Variants in FBXO32 observed in about 807,000 individuals in gnomAD.
FBXO32 encodes the protein F-box protein 32, also known as F-box only protein 32.
A neutral mutation model predicts 48.3 loss-of-function variants in FBXO32; 15 were observed. The ratio of observed to expected loss-of-function variants is 0.31; its 90% CI spans 0.21 to 0.48. The LOEUF (loss-of-function observed/expected upper bound fraction) is 0.48, where lower values mean the gene tolerates loss of function less well. FBXO32 is among the 20% of genes least tolerant of loss of function. The probability of loss-of-function intolerance (pLI) is 0.99; values close to 1 mark genes in which losing one functional copy is unlikely to be tolerated. For missense variants in FBXO32, 309 were observed against 432.7 expected (o/e 0.71, Z 2.54); for synonymous variants, 154 against 165.9 (o/e 0.93, Z 0.55).
intron 8 of FBXO32, 38 bp from the exon 9 acceptor site, chr8:123,503,500 G>T: frequency 1.3e-6 from 2 of 1,566,940 alleles, no homozygotes; most frequent in Non-Finnish European, 1.8e-6. Context: ...AGTTCTCAGA[G>T]GCCTCTCTTT....
At position 123,540,799 on chromosome 8, in the gene FBXO32, C is replaced by G; in HGVS notation, c.116+100G>C. 9.8e-7 allele frequency: 1 copy of G among 1,020,796 alleles called. No individual in the cohort carries two copies. The highest frequency in any genetic ancestry group is 1.5e-6 in the Non-Finnish European group (1 of 680,396). The allele number at this position is 1,020,796 out of a possible 1,614,324, so 63.2% of individuals were successfully genotyped here. ...CGGGTCAGGGTCTCCCTCCTCAGCC[C>G]GCTCCAGCCCTGCCTGCCCCTCATT... On this transcript the variant is annotated intron_variant, in intron 1 of 8. Coordinates refer to ENST00000517956, the MANE Select transcript of FBXO32 (RefSeq NM_058229.4). The surrounding 1 kb of genome is among the most constrained non-coding windows in gnomAD (Gnocchi z 6.4).
In FBXO32 at chr8:123,499,801, G is replaced by C. The variant is rs1816443293; in HGVS notation, c.*3572C>G. Reference sequence around the variant, plus strand: ...AGAAACAGGAGGCTGTTAGTAGCAAGCTCCTCATGGGAAAGGGTATGTGAA... The same window carrying C: ...AGAAACAGGAGGCTGTTAGTAGCAACCTCCTCATGGGAAAGGGTATGTGAA... On this transcript the variant is annotated 3_prime_UTR_variant, in exon 9 of 9. Transcript: ENST00000517956. 1 of 152,186 alleles carries C rather than the reference G, an allele frequency of 6.6e-6. No homozygotes were observed. Among genetic ancestry groups the C allele is most frequent in the Non-Finnish European group, 1.5e-5 (1 of 68,046 alleles). The allele number at this position is 152,186 out of a possible 1,614,324, so 9.4% of individuals were successfully genotyped here.
Position 123,506,476 on chromosome 8 carries a change from G to T in FBXO32, c.750C>A (p.Gly250=), listed in dbSNP as rs1203461785. The T allele has an allele frequency of 1.6e-5, 26 of 1,614,092 alleles. No individual in the cohort carries two copies. Among genetic ancestry groups the T allele is most frequent in the Non-Finnish European group, 2.1e-5 (25 of 1,179,986 alleles). ...LSDGRDLVSL[G]QAAPDLHVLS... ...GCACGTGCAGGTCGGGGGCAGCCTG[G>T]CCCAGGCTGACCAGGTCCCGCCCGT... Residue 250 remains glycine, a synonymous_variant, in exon 7 of 9, where the codon GGC becomes GGA. Transcript: ENST00000517956. This position sits in a 1 kb window ranked among gnomAD's most constrained non-coding sequence, Gnocchi z 4.0.
chr8:123,504,793 G>A (rs1554661423), intron 7 of FBXO32, 46 bp from the exon 8 acceptor site: 1 of 1,588,698 alleles, frequency 6.3e-7, no homozygotes, highest in Admixed American at 1.7e-5. Flanking sequence ...AGTTTGTCAA[G>A]AAGATGGCTT....
chr8:123,532,147 A>G (rs924311652), intron 3 of FBXO32, 157 bp from the exon 4 acceptor site: 38 of 1,404,140 alleles, frequency 2.7e-5, no homozygotes, highest in Non-Finnish European at 3.4e-5. Flanking sequence ...TGTACCCACA[A>G]GCCCTTGAGA....
At chr8:123,530,362 C>G (rs1030575698) in intron 4 of FBXO32, among the ~76,000 whole-genome samples, 5 of 151,962 alleles carry the variant, frequency 3.3e-5, no homozygotes, top group Non-Finnish European at 5.9e-5. Flanking sequence ...GACATGGCAC[C>G]GAGAAGCACA....
At chr8:123,521,065 C>A (rs1236313704) in intron 4 of FBXO32, among the ~76,000 whole-genome samples, 3 of 152,202 alleles carry the variant, frequency 2.0e-5, no homozygotes, top group African/African-American at 7.2e-5. Context: ...ATGCAAAAAC[C>A]TCCCTGTTGC....
At position 123,506,643 on chromosome 8, in the gene FBXO32, G is replaced by A. The variant is rs1816630221; in HGVS notation, c.652-69C>T. ...GCGATTCACCAGGCCACACCCTCCA[G>A]GCATGCAGCTGTGCCCGTCCTCCAC... On this transcript the variant is annotated intron_variant, in intron 6 of 8. Coordinates refer to ENST00000517956, the MANE Select transcript of FBXO32 (RefSeq NM_058229.4). The surrounding 1 kb of genome is among the most constrained non-coding windows in gnomAD (Gnocchi z 4.0). The A allele has an allele frequency of 7.3e-7, 1 of 1,375,094 alleles. No homozygotes were observed. Among genetic ancestry groups the A allele is most frequent in the South Asian group, 1.4e-5 (1 of 72,900 alleles). The allele number at this position is 1,375,094 out of a possible 1,614,324, so 85.2% of individuals were successfully genotyped here. A position where few individuals can be genotyped will look rare whatever the true frequency, so the allele number is the denominator to read the frequency against.
In FBXO32 at chr8:123,525,478, A is replaced by G. The variant is rs1817054670; in HGVS notation, c.372+6420T>C. On this transcript the variant is annotated intron_variant, in intron 4 of 8. Transcript: ENST00000517956. This position sits in a 1 kb window ranked among gnomAD's most constrained non-coding sequence, Gnocchi z 4.3. ...TCATTCTACAGAGAGAGCTAGGAGT[A>G]ATCAGATCAAAGGTCATTCTGGCAT... 6.6e-6 allele frequency among the ~76,000 whole-genome samples: 1 copy of G among 152,206 alleles called. No homozygotes were observed. Among genetic ancestry groups the G allele is most frequent in the Non-Finnish European group, 1.5e-5 (1 of 68,022 alleles).
rs542067339 is a variant in FBXO32, at chr8:123,513,991, G to A, written c.466+249C>T. The A allele has an allele frequency of 4.1e-5, 17 of 415,876 alleles. No homozygotes were observed. The highest frequency in any genetic ancestry group is 2.9e-4 in the African/African-American group (14 of 48,996). 25.8% of individuals were successfully genotyped at this position (415,876 alleles called of 1,614,324 possible). A position where few individuals can be genotyped will look rare whatever the true frequency, so the allele number is the denominator to read the frequency against. ...CCTGTGTCTACACTGAGAAGCCTAC[G>A]AGGCTTATAGTAGGGCAAGTGGATG... On this transcript the variant is annotated intron_variant, in intron 5 of 8. Coordinates refer to ENST00000517956, the MANE Select transcript of FBXO32 (RefSeq NM_058229.4). This position sits in a 1 kb window ranked among gnomAD's most constrained non-coding sequence, Gnocchi z 4.3.
chr8:123,538,315 C>T (rs1027483279), intron 1 of FBXO32, among the ~76,000 whole-genome samples: 2 of 152,058 alleles, frequency 1.3e-5, no homozygotes, highest in East Asian at 1.9e-4. Flanking sequence ...CCAAATGCAT[C>T]CTTCATCCCG....
At position 123,504,714 on chromosome 8, in the gene FBXO32, G is replaced by T. The variant is rs1386096062; in HGVS notation, c.868C>A (p.Gln290Lys). 8 of 1,613,918 alleles carry T rather than the reference G, an allele frequency of 5.0e-6. No individual in the cohort carries two copies. Among genetic ancestry groups the T allele is most frequent in the Non-Finnish European group, 6.8e-6 (8 of 1,179,904 alleles). Reference protein sequence around the residue: ...RKRLILSDKGQLDWKKMYFKL... With the variant: ...RKRLILSDKGKLDWKKMYFKL... ...AAATACATCTTCTTCCAATCCAGCT[G>T]CCCTTTGTCTGACAGAATTAATCGT... The change falls in exon 8 of 9, where the codon CAG becomes AAG. Residue 290 changes from glutamine to lysine, a missense_variant. Physicochemically the swap from Gln to Lys is moderately conservative, Grantham distance 53 (BLOSUM62 1). Coordinates refer to ENST00000517956, the MANE Select transcript of FBXO32 (RefSeq NM_058229.4).
In FBXO32 at chr8:123,498,809, G is replaced by A. The variant is rs1336993223; in HGVS notation, c.*4564C>T. ...AGAAATAAAATTGTCAAAATATGCTGCTTTCTTTATAGCAAGCAGGTTGTA... is the reference window on the plus strand; with the variant it reads ...AGAAATAAAATTGTCAAAATATGCTACTTTCTTTATAGCAAGCAGGTTGTA... On this transcript the variant is annotated 3_prime_UTR_variant, in exon 9 of 9. Coordinates refer to ENST00000517956, the MANE Select transcript of FBXO32 (RefSeq NM_058229.4). 3 of 152,156 alleles carry A rather than the reference G, an allele frequency of 2.0e-5. No individual in the cohort carries two copies. Among genetic ancestry groups the A allele is most frequent in the African/African-American group, 7.2e-5 (3 of 41,424 alleles). 9.4% of individuals were successfully genotyped at this position (152,156 alleles called of 1,614,324 possible).
chr8:123,518,694 G>A (rs1401511883), intron 4 of FBXO32, among the ~76,000 whole-genome samples: 2 of 152,192 alleles, frequency 1.3e-5, no homozygotes, highest in Admixed American at 1.3e-4. Context: ...CAGCAACCCA[G>A]TGAGATAGCT....
Position 123,513,608 on chromosome 8 carries a change from C to T in FBXO32, c.467-226G>A, listed in dbSNP as rs1226789567. Among the ~76,000 whole-genome samples, 1 of 152,124 alleles carries T rather than the reference C, an allele frequency of 6.6e-6. No individual in the cohort carries two copies. The highest frequency in any genetic ancestry group is 2.4e-5 in the African/African-American group (1 of 41,426). ...TAGGTCCCTCTTTGTTCTCTTCTCT[C>T]TCATTTTCTATAAAGCCTCTTTCTC... On this transcript the variant is annotated intron_variant, in intron 5 of 8. Coordinates refer to ENST00000517956, the MANE Select transcript of FBXO32 (RefSeq NM_058229.4). This position sits in a 1 kb window ranked among gnomAD's most constrained non-coding sequence, Gnocchi z 4.3.
intron 7 of FBXO32, among the ~76,000 whole-genome samples, chr8:123,505,462 G>C (rs1449248580): frequency 6.6e-6 from 1 of 152,256 alleles, no homozygotes; most frequent in Non-Finnish European, 1.5e-5. Flanking sequence ...CACACAGGGT[G>C]CGGTGGCTCA....
intron 4 of FBXO32, among the ~76,000 whole-genome samples, chr8:123,527,867 G>C (rs986658016): frequency 1.3e-5 from 2 of 152,186 alleles, no homozygotes; most frequent in African/African-American, 4.8e-5. Context: ...TACAAAAAAA[G>C]AAGCTTCGAA....
intron 1 of FBXO32, among the ~76,000 whole-genome samples, chr8:123,539,973 G>A (rs1329548418): frequency 6.6e-6 from 1 of 152,182 alleles, no homozygotes; most frequent in Admixed American, 6.5e-5. Flanking sequence ...GAGGTCAGGG[G>A]CTGAGAAATT....
intron 4 of FBXO32, among the ~76,000 whole-genome samples, chr8:123,529,814 T>C (rs1201185239): frequency 6.6e-6 from 1 of 152,244 alleles, no homozygotes; most frequent in Non-Finnish European, 1.5e-5. Flanking sequence ...AGATTTTCAC[T>C]ATCATGATGC....
Sources: allele counts gnomAD v4.1 joint callset (sites outside exome capture counted in the v4.1 genomes callset), GRCh38; gene constraint gnomAD v4.1.1; non-coding constraint Gnocchi (gnomAD v3.1); transcripts MANE v1.5; gene names NCBI Gene and HGNC (gene_info 2026-07-23, HGNC 2026-07-21).